NUDT5: variants seen among roughly 807,000 people sequenced by gnomAD.
The protein encoded by NUDT5 is nudix hydrolase 5, also known as ADP-sugar pyrophosphatase.
A neutral mutation model predicts 34.1 loss-of-function variants in NUDT5; 21 were observed. The observed-to-expected ratio is 0.62, with a 90% CI of 0.44 to 0.89. The LOEUF (loss-of-function observed/expected upper bound fraction) is 0.89. Among genes scored for constraint, NUDT5 ranks in the 40% least tolerant of loss-of-function variants. The probability of loss-of-function intolerance (pLI) is 0.00; values close to 1 mark genes in which losing one functional copy is unlikely to be tolerated. For missense variants in NUDT5, 249 were observed against 274.8 expected, an observed-to-expected ratio of 0.91 and a Z score of 0.66; for synonymous variants, 85 against 97.6, an observed-to-expected ratio of 0.87 and a Z score of 0.76.
In NUDT5 at chr10:12,182,895, C is replaced by G. The variant is rs1484966453; in HGVS notation, c.131+1994G>C. Reference sequence around the variant, plus strand: ...GGGATTACAGGCGCATGCCACCACGCTGGGCTAATTTTTGTATTTTTAGTA... The same window carrying G: ...GGGATTACAGGCGCATGCCACCACGGTGGGCTAATTTTTGTATTTTTAGTA... On this transcript the variant is annotated intron_variant, in intron 3 of 9. Coordinates refer to ENST00000491614, the MANE Select transcript of NUDT5 (RefSeq NM_014142.4). This position sits in a 1 kb window ranked among gnomAD's most constrained non-coding sequence, Gnocchi z 4.3. 1.3e-5 allele frequency among the ~76,000 whole-genome samples: 2 copies of G among 152,160 alleles called. No homozygotes were observed. The highest frequency in any genetic ancestry group is 2.9e-5 in the Non-Finnish European group (2 of 68,022).
intron 3 of NUDT5, among the ~76,000 whole-genome samples, chr10:12,180,701 G>C (rs566286528): frequency 8.5e-5 from 13 of 152,150 alleles, no homozygotes; most frequent in Non-Finnish European, 1.9e-4. Context: ...CTACTTGCCC[G>C]CCAGCTAAGC....
Position 12,166,700 on chromosome 10 carries a change from G to C in NUDT5, c.*1002C>G. The C allele has an allele frequency of 2.0e-6, 1 of 507,440 alleles. No homozygotes were observed. Among genetic ancestry groups the C allele is most frequent in the Non-Finnish European group, 4.0e-6 (1 of 247,386 alleles). The allele number at this position is 507,440 out of a possible 1,614,324, so 31.4% of individuals were successfully genotyped here. A position where few individuals can be genotyped will look rare whatever the true frequency, so the allele number is the denominator to read the frequency against. On this transcript the variant is annotated 3_prime_UTR_variant, in exon 10 of 10. Transcript: ENST00000491614. The stretch of plus-strand genomic sequence containing the variant: ...GAATCATCCTGAGAATTCCGTGGGG[G>C]CCAGACTGGAAAGTCCTGGAAAATC...
rs543665069 is a variant in NUDT5 at position 12,187,134 on chromosome 10, G to C, written c.-41-802C>G. Among the ~76,000 whole-genome samples, 1 of 152,156 alleles carries C rather than the reference G, an allele frequency of 6.6e-6. No homozygotes were observed. The highest frequency in any genetic ancestry group is 1.5e-5 in the Non-Finnish European group (1 of 68,030). ...TGTAGCCTCTACCTCCCAAGCTCAC[G>C]TGCTCCTCGCATCTCAGCCTCCTGA... On this transcript the variant is annotated intron_variant, in intron 1 of 9. Coordinates refer to ENST00000491614, the MANE Select transcript of NUDT5 (RefSeq NM_014142.4). The surrounding 1 kb of genome is among the most constrained non-coding windows in gnomAD (Gnocchi z 5.4).
At chr10:12,193,494 A>C (rs3758377) in intron 1 of NUDT5, among the ~76,000 whole-genome samples, 3,258 of 152,134 alleles carry the variant, frequency 0.021, 99 homozygotes, top group South Asian at 0.063. Flanking sequence ...GAAAAAGCAA[A>C]TATTTCCACT....
At chr10:12,174,012 G>C (rs566127527) in intron 5 of NUDT5, among the ~76,000 whole-genome samples, 199 bp from the exon 6 acceptor site, 1 of 151,830 alleles carries the variant, frequency 6.6e-6, no homozygotes, top group Admixed American at 6.6e-5. Flanking sequence ...GATTACAGGC[G>C]CGTGCCACCA....
intron 3 of NUDT5, chr10:12,184,563 A>G (rs1326144143): frequency 5.3e-6 from 8 of 1,506,316 alleles, no homozygotes; most frequent in Non-Finnish European, 7.2e-6. Context: ...AGATTTTACT[A>G]GAAGGAAGCA....
At position 12,173,577 on chromosome 10, in the gene NUDT5, G is replaced by C. The variant is rs975985748; in HGVS notation, c.385+141C>G. 3 of 670,610 alleles carry C rather than the reference G, an allele frequency of 4.5e-6. No homozygotes were observed. The highest frequency in any genetic ancestry group is 7.9e-6 in the Non-Finnish European group (3 of 379,354). The allele number at this position is 670,610 out of a possible 1,614,324, so 41.5% of individuals were successfully genotyped here. A position where few individuals can be genotyped will look rare whatever the true frequency, so the allele number is the denominator to read the frequency against. ...GCTCCAGTTTCCTCCTGGGAGGGGA[G>C]ATTCCCTTACACTTGGTGACCAGTC... On this transcript the variant is annotated intron_variant, in intron 6 of 9. Transcript: ENST00000491614. The surrounding 1 kb of genome is among the most constrained non-coding windows in gnomAD (Gnocchi z 4.7).
rs1432210605 is a variant in NUDT5 at position 12,173,219 on chromosome 10, T to A, written c.386-353A>T. Among the ~76,000 whole-genome samples the A allele has an allele frequency of 6.6e-6, 1 of 152,216 alleles. No individual in the cohort carries two copies. Among genetic ancestry groups the A allele is most frequent in the African/African-American group, 2.4e-5 (1 of 41,460 alleles). ...GTAGGAAATTCCTAAAGGCAATTGA[T>A]TTTTTGAGACAGAGTTTCACTTTGC... On this transcript the variant is annotated intron_variant, in intron 6 of 9. Transcript: ENST00000491614. This position sits in a 1 kb window ranked among gnomAD's most constrained non-coding sequence, Gnocchi z 4.7.
At chr10:12,191,110 A>G (rs1281075409) in intron 1 of NUDT5, among the ~76,000 whole-genome samples, 1 of 152,098 alleles carries the variant, frequency 6.6e-6, no homozygotes, top group Non-Finnish European at 1.5e-5. Context: ...AAGGCCGGGC[A>G]CAGTGGCTCA....
chr10:12,191,228 A>G (rs1187455234), intron 1 of NUDT5, among the ~76,000 whole-genome samples: 1 of 151,974 alleles, frequency 6.6e-6, no homozygotes, highest in Non-Finnish European at 1.5e-5. Flanking sequence ...CTAAAAATAC[A>G]AAAAAATTAG....
rs912111505 is a variant in NUDT5 at position 12,171,922 on chromosome 10, A to C, written c.487+843T>G. Among the ~76,000 whole-genome samples the C allele has an allele frequency of 1.3e-5, 2 of 151,796 alleles. No homozygotes were observed. The highest frequency in any genetic ancestry group is 1.3e-4 in the Admixed American group (2 of 15,212). ...GTATTTTTAGTAGAGTCAGGGTTTC[A>C]CCATGTTGGCCAGGCTGATCTCGAG... is the stretch of plus-strand genomic sequence containing the variant. On this transcript the variant is annotated intron_variant, in intron 7 of 9. Coordinates refer to ENST00000491614, the MANE Select transcript of NUDT5 (RefSeq NM_014142.4). The surrounding 1 kb of genome is among the most constrained non-coding windows in gnomAD (Gnocchi z 4.2).
rs763098986 is a variant in NUDT5 at position 12,173,831 on chromosome 10, T to G, written c.290-18A>C. 1 of 1,576,672 alleles carries G rather than the reference T, an allele frequency of 6.3e-7. No homozygotes were observed. Among genetic ancestry groups the G allele is most frequent in the African/African-American group, 1.4e-5 (1 of 73,906 alleles). On this transcript the variant is annotated intron_variant, in intron 5 of 9. Coordinates refer to ENST00000491614, the MANE Select transcript of NUDT5 (RefSeq NM_014142.4). The surrounding 1 kb of genome is among the most constrained non-coding windows in gnomAD (Gnocchi z 4.7). ...TATGAGACCTGCAAGTCCAAATCAT[T>G]GGTGTGATGGGAGCGGGAAATCCGG... is the stretch of plus-strand genomic sequence containing the variant.
rs764901987 is a variant in NUDT5, at chr10:12,169,344, G to A, written c.550+1373C>T. On this transcript the variant is annotated intron_variant, in intron 9 of 9. Coordinates refer to ENST00000491614, the MANE Select transcript of NUDT5 (RefSeq NM_014142.4). This position sits in a 1 kb window ranked among gnomAD's most constrained non-coding sequence, Gnocchi z 4.8. ...TTCTACTAAAAGATAACCCCGCACG[G>A]CATTTCACACTTGCCTACGTCACCC... The A allele has an allele frequency of 2.0e-6, 3 of 1,524,958 alleles. No individual in the cohort carries two copies. Among genetic ancestry groups the A allele is most frequent in the Non-Finnish European group, 2.7e-6 (3 of 1,125,140 alleles). The allele number at this position is 1,524,958 out of a possible 1,614,324, so 94.5% of individuals were successfully genotyped here. A position where few individuals can be genotyped will look rare whatever the true frequency, so the allele number is the denominator to read the frequency against.
Position 12,173,597 on chromosome 10 carries a change from C to T in NUDT5, c.385+121G>A. The stretch of plus-strand genomic sequence containing the variant: ...GGGGAGATTCCCTTACACTTGGTGA[C>T]CAGTCCTAATCTGTGATTTCTTTCT... On this transcript the variant is annotated intron_variant, in intron 6 of 9. Coordinates refer to ENST00000491614, the MANE Select transcript of NUDT5 (RefSeq NM_014142.4). The surrounding 1 kb of genome is among the most constrained non-coding windows in gnomAD (Gnocchi z 4.7). 1.3e-6 allele frequency: 1 copy of T among 791,812 alleles called. No individual in the cohort carries two copies. The highest frequency in any genetic ancestry group is 2.2e-6 in the Non-Finnish European group (1 of 459,710). The allele number at this position is 791,812 out of a possible 1,614,324, so 49.0% of individuals were successfully genotyped here. A position where few individuals can be genotyped will look rare whatever the true frequency, so the allele number is the denominator to read the frequency against.
intron 5 of NUDT5, among the ~76,000 whole-genome samples, chr10:12,177,516 C>T (rs1023100463): frequency 2.0e-5 from 3 of 152,200 alleles, no homozygotes; most frequent in Admixed American, 6.5e-5. Flanking sequence ...GAGACTCCGT[C>T]TCACAAAACA....
chr10:12,184,062 G>A lies in NUDT5; in HGVS notation c.131+827C>T, dbSNP rs536610114. Among the ~76,000 whole-genome samples the A allele has an allele frequency of 7.9e-5, 12 of 151,944 alleles. 1 individual carries two copies. In the South Asian group the frequency reaches 2.5e-3, roughly 32 times the overall value. On this transcript the variant is annotated intron_variant, in intron 3 of 9. Coordinates refer to ENST00000491614, the MANE Select transcript of NUDT5 (RefSeq NM_014142.4). ...CTTTCTTTTTGTTGTTGTTGTTTTT[G>A]TTTTTTTGAGACAGAGTCTCACTCT...
rs1355032591 is a variant in NUDT5, at chr10:12,174,157, C to A, written c.290-344G>T. 2.0e-5 allele frequency among the ~76,000 whole-genome samples: 3 copies of A among 150,746 alleles called. No homozygotes were observed. In the South Asian group the frequency reaches 6.3e-4, roughly 32 times the overall value. On this transcript the variant is annotated intron_variant, in intron 5 of 9. Transcript: ENST00000491614. Reference sequence around the variant, plus strand: ...CTGGGATTACAGGTGTGAGCCACTGCGCCCGGCTGAACCCCTCATTCTTGT... The same window carrying A: ...CTGGGATTACAGGTGTGAGCCACTGAGCCCGGCTGAACCCCTCATTCTTGT...
chr10:12,177,994 T>C, intron 4 of NUDT5, 94 bp from the exon 5 acceptor site: 2 of 798,480 alleles, frequency 2.5e-6, no homozygotes, highest in South Asian at 1.6e-5. Context: ...CCCCAGACTT[T>C]AAGAAACTCC....
intron 6 of NUDT5, 63 bp from the exon 7 acceptor site, chr10:12,172,929 A>G: frequency 1.6e-6 from 2 of 1,223,380 alleles, no homozygotes; most frequent in Admixed American, 1.8e-5. Flanking sequence ...CTATGGTCTT[A>G]GGAAGAAGAT....
Sources: allele counts gnomAD v4.1 joint callset (sites outside exome capture counted in the v4.1 genomes callset), GRCh38; gene constraint gnomAD v4.1.1; non-coding constraint Gnocchi (gnomAD v3.1); transcripts MANE v1.5; gene names NCBI Gene and HGNC (gene_info 2026-07-23, HGNC 2026-07-21).